The following MSRA variants were observed in gnomAD, a reference collection of about 807,000 sequenced individuals.
MSRA encodes methionine sulfoxide reductase A, also known as mitochondrial peptide methionine sulfoxide reductase.
Under a neutral mutation model 31.3 loss-of-function variants are expected in MSRA, and 54 were observed. The observed-to-expected ratio is 1.73, with a 90% CI of 1.39 to 2.17. MSRA has a LOEUF of 2.17. Ranked by LOEUF, MSRA falls within the 30% of genes most tolerant of loss-of-function variation. The pLI is 0.00. For synonymous variants in MSRA, 169 were observed against 116.5 expected (o/e 1.45, Z -2.90); for missense variants, 507 against 300.9 (o/e 1.69, Z -5.07).
chr8:10,376,054 G>C (rs973996044), intron 5 of MSRA, among the ~76,000 whole-genome samples: 1 of 152,106 alleles, frequency 6.6e-6, no homozygotes, highest in African/African-American at 2.4e-5. Flanking sequence ...GGAAGATTGC[G>C]TCTTCGTGCA....
chr8:10,288,704 G>A (rs953448188), intron 3 of MSRA, among the ~76,000 whole-genome samples: 8 of 152,088 alleles, frequency 5.3e-5, no homozygotes, highest in South Asian at 4.1e-4. Context: ...GACTAAAAAT[G>A]TACTTACATT....
intron 1 of MSRA, 60 bp downstream of exon 1, chr8:10,054,718 G>A: frequency 7.2e-7 from 1 of 1,397,126 alleles, no homozygotes. Flanking sequence ...GCCTTTGCCC[G>A]GCGGCAGCGC....
intron 5 of MSRA, among the ~76,000 whole-genome samples, chr8:10,336,186 C>T (rs897708149): frequency 6.6e-6 from 1 of 152,068 alleles, no homozygotes; most frequent in African/African-American, 2.4e-5. Context: ...TTTGTGGTTC[C>T]TTCTGCTGGC....
chr8:10,231,942 C>T (rs1328801241), intron 2 of MSRA, among the ~76,000 whole-genome samples: 4 of 151,936 alleles, frequency 2.6e-5, no homozygotes, highest in African/African-American at 7.3e-5. Flanking sequence ...AAAGGGTAAA[C>T]AGGAAAGCGT....
At chr8:10,280,868 T>C (rs551821364) in intron 3 of MSRA, among the ~76,000 whole-genome samples, 39 of 152,332 alleles carry the variant, frequency 2.6e-4, no homozygotes, top group African/African-American at 8.2e-4. Context: ...ATGGTCGATA[T>C]TGAAAATGTG....
intron 1 of MSRA, chr8:10,096,179 A>T: frequency 8.0e-7 from 1 of 1,252,170 alleles, no homozygotes; most frequent in South Asian, 3.3e-5. Context: ...GTTTAAGAAA[A>T]CGTTTTCTTA....
intron 3 of MSRA, among the ~76,000 whole-genome samples, chr8:10,256,220 C>A (rs938089807): frequency 3.9e-5 from 6 of 152,206 alleles, no homozygotes; most frequent in African/African-American, 1.4e-4. Context: ...GTTGAAATCA[C>A]ACAGCCTATG....
At chr8:10,162,261 G>A (rs540535800) in intron 1 of MSRA, among the ~76,000 whole-genome samples, 1 of 152,244 alleles carries the variant, frequency 6.6e-6, no homozygotes, top group African/African-American at 2.4e-5. Flanking sequence ...TGGGAGTCTG[G>A]TGAGTGGTCA....
chr8:10,291,294 G>A (rs1193653330), intron 3 of MSRA, among the ~76,000 whole-genome samples: 3 of 151,758 alleles, frequency 2.0e-5, no homozygotes, highest in African/African-American at 7.3e-5. Flanking sequence ...CCCCATGGCG[G>A]GCCAACAACA....
chr8:10,125,494 T>G (rs145602368), intron 1 of MSRA, among the ~76,000 whole-genome samples: 2 of 152,302 alleles, frequency 1.3e-5, no homozygotes, highest in Non-Finnish European at 2.9e-5. Context: ...GGAGTCAGTT[T>G]GGACCTGCTG....
At chr8:10,333,764 T>C (rs1213585737) in intron 5 of MSRA, among the ~76,000 whole-genome samples, 1 of 149,640 alleles carries the variant, frequency 6.7e-6, no homozygotes, top group African/African-American at 2.5e-5. Flanking sequence ...TTGCATCTCG[T>C]TTCCTCTGAC....
chr8:10,240,612 G>A lies in MSRA; in HGVS notation c.212-4492G>A, dbSNP rs372282902. Reference sequence around the variant, plus strand: ...CCTAATTCTTCCTCTTCCAGTCTTTGTGTTTCTGGCCTCTGACTAGGCAGC... The same window carrying A: ...CCTAATTCTTCCTCTTCCAGTCTTTATGTTTCTGGCCTCTGACTAGGCAGC... On this transcript the variant is annotated intron_variant, in intron 2 of 5. Transcript: ENST00000317173. 1.2e-4 allele frequency among the ~76,000 whole-genome samples: 19 copies of A among 152,274 alleles called. No homozygotes were observed. The East Asian group carries it at 3.3e-3, about 26-fold the overall frequency.
At chr8:10,178,054 C>T (rs1806208955) in intron 1 of MSRA, among the ~76,000 whole-genome samples, 2 of 152,208 alleles carry the variant, frequency 1.3e-5, no homozygotes, top group South Asian at 4.1e-4. Context: ...TATTTTACAT[C>T]TGATCACTTC....
chr8:10,265,699 A>G (rs954943001), intron 3 of MSRA, among the ~76,000 whole-genome samples: 1 of 152,216 alleles, frequency 6.6e-6, no homozygotes, highest in East Asian at 1.9e-4. Flanking sequence ...CACAGTCAAG[A>G]TAATGAGCAG....
intron 1 of MSRA, among the ~76,000 whole-genome samples, chr8:10,163,667 C>T (rs995071895): frequency 2.0e-5 from 3 of 152,268 alleles, no homozygotes; most frequent in East Asian, 1.9e-4. Flanking sequence ...TTCTACTGCA[C>T]GATAATGACA....
In MSRA at chr8:10,386,405, G is replaced by A. The variant is rs180844317; in HGVS notation, c.544-41743G>A. Among the ~76,000 whole-genome samples the A allele has an allele frequency of 1.5e-3, 233 of 152,306 alleles. 1 individual carries two copies. Among genetic ancestry groups the A allele is most frequent in the African/African-American group, 5.5e-3 (228 of 41,574 alleles). On this transcript the variant is annotated intron_variant, in intron 5 of 5. Coordinates refer to ENST00000317173, the MANE Select transcript of MSRA (RefSeq NM_012331.5). Reference sequence around the variant, plus strand: ...TGATGAACAGATATACCTGAAGCAGGAGGGAAGGGAAGGTTTTTATATGAT... The same window carrying A: ...TGATGAACAGATATACCTGAAGCAGAAGGGAAGGGAAGGTTTTTATATGAT...
chr8:10,360,877 C>G (rs941378871), intron 5 of MSRA, among the ~76,000 whole-genome samples: 1 of 152,154 alleles, frequency 6.6e-6, no homozygotes, highest in Non-Finnish European at 1.5e-5. Flanking sequence ...TTCATGCCTG[C>G]CACTCCAAAA....
chr8:10,221,560 C>G (rs1444697841), intron 2 of MSRA, among the ~76,000 whole-genome samples: 1 of 152,084 alleles, frequency 6.6e-6, no homozygotes, highest in Non-Finnish European at 1.5e-5. Context: ...AATGGCCTGG[C>G]ACTGAGATTA....
chr8:10,247,520 CTT>C (rs1797685545), intron 3 of MSRA, among the ~76,000 whole-genome samples: 1 of 152,134 alleles, frequency 6.6e-6, no homozygotes, highest in African/African-American at 2.4e-5. Context: ...ATTCTTTTGT[CTT>C]TCTTATGTTT....
Sources: allele counts gnomAD v4.1 joint callset (sites outside exome capture counted in the v4.1 genomes callset), GRCh38; gene constraint gnomAD v4.1.1; transcripts MANE v1.5; gene names NCBI Gene and HGNC (gene_info 2026-07-23, HGNC 2026-07-21).